CACNA1E: variants seen among roughly 807,000 people sequenced by gnomAD.
CACNA1E encodes voltage-dependent R-type calcium channel subunit alpha-1E.
In CACNA1E, 40 loss-of-function variants were observed where a neutral mutation model predicts 259.2. The observed-to-expected ratio is 0.15, with a 90% CI of 0.12 to 0.20. The LOEUF is 0.20. Ranked by LOEUF, CACNA1E falls within the 10% of genes least tolerant of loss-of-function variation. The pLI, the probability that CACNA1E is intolerant of heterozygous loss-of-function variation, is 1.00. For synonymous variants in CACNA1E, 1,104 were observed against 1,138.5 expected (o/e 0.97, Z 0.61); for missense variants, 1,874 against 3,040.1 (o/e 0.62, Z 9.02).
At chr1:181,790,095 G>A (rs1176012957) in intron 43 of CACNA1E, among the ~76,000 whole-genome samples, 1 of 152,180 alleles carries the variant, frequency 6.6e-6, no homozygotes, top group Non-Finnish European at 1.5e-5. Flanking sequence ...ACTGTTCACT[G>A]TGTAAACTAG....
intron 1 of CACNA1E, among the ~76,000 whole-genome samples, chr1:181,377,931 A>G (rs749431452): frequency 1.1e-4 from 17 of 152,222 alleles, no homozygotes; most frequent in Non-Finnish European, 2.4e-4. Flanking sequence ...AAGCCTAACA[A>G]TGTGCAGGAG....
At chr1:181,773,122 A>T (rs1234642277) in intron 37 of CACNA1E, among the ~76,000 whole-genome samples, 1 of 152,244 alleles carries the variant, frequency 6.6e-6, no homozygotes, top group African/African-American at 2.4e-5. Flanking sequence ...ATGGCCATGC[A>T]TCAAAAAGTG....
At chr1:181,526,501 G>A (rs914742205) in intron 3 of CACNA1E, among the ~76,000 whole-genome samples, 2 of 151,934 alleles carry the variant, frequency 1.3e-5, no homozygotes, top group South Asian at 4.1e-4. Context: ...ATCCATCCAA[G>A]GGAATATAAA....
In CACNA1E at chr1:181,732,752, A is replaced by G. The variant is rs1398260319; in HGVS notation, c.2666A>G (p.His889Arg). 8.3e-6 allele frequency: 13 copies of G among 1,568,076 alleles called. No individual in the cohort carries two copies. Among genetic ancestry groups the G allele is most frequent in the Non-Finnish European group, 1.1e-5 (13 of 1,157,470 alleles). Residue 889 changes from histidine (H) to arginine (R), a missense_variant, in exon 20 of 48, where the codon CAT (histidine) becomes CGT (arginine). His to Arg is a conservative substitution (Grantham distance 29). Around this residue, in one of 14 missense-constraint regions of CACNA1E, gnomAD observed 476 missense variants for 514.0 expected, o/e 0.93. Coordinates refer to ENST00000367573, the MANE Select transcript of CACNA1E (RefSeq NM_001205293.3). This position sits in a 1 kb window ranked among gnomAD's most constrained non-coding sequence, Gnocchi z 5.5. ...CCACCATGGCTGGCCAGGCCCTGTC[A>G]TGGAAACTGTGACCCGACTCAGCAG... ...REPPWLARPC[H>R]GNCDPTQQEA...
intron 3 of CACNA1E, among the ~76,000 whole-genome samples, chr1:181,519,987 A>T (rs1477684347): frequency 3.3e-5 from 5 of 152,102 alleles, no homozygotes; most frequent in African/African-American, 7.2e-5. Context: ...AAGTGAAGGT[A>T]AAACCTGCTG....
intron 1 of CACNA1E, among the ~76,000 whole-genome samples, chr1:181,363,651 TTGACATGGA>T (rs11277176): frequency 0.28 from 42,769 of 151,830 alleles, 6,230 homozygotes; most frequent in South Asian, 0.41. Flanking sequence ...GCAAGGGTGG[TTGACATGGA>T]CCCTGTCCAT....
At chr1:181,372,223 C>T (rs1257844830) in intron 1 of CACNA1E, among the ~76,000 whole-genome samples, 1 of 152,164 alleles carries the variant, frequency 6.6e-6, no homozygotes, top group African/African-American at 2.4e-5. Flanking sequence ...TCTTCCTGTA[C>T]ATGAGCATAA....
intron 6 of CACNA1E, among the ~76,000 whole-genome samples, chr1:181,649,075 A>G (rs1658532715): frequency 6.6e-6 from 1 of 152,256 alleles, no homozygotes; most frequent in Admixed American, 6.5e-5. Flanking sequence ...GGGAAGGTCC[A>G]TGTCTTAACG....
intron 8 of CACNA1E, among the ~76,000 whole-genome samples, chr1:181,711,945 G>A (rs1041024851): frequency 4.6e-5 from 7 of 152,152 alleles, no homozygotes; most frequent in Non-Finnish European, 8.8e-5. Context: ...CGTGCTGGCC[G>A]CATTGAGAAT....
intron 1 of CACNA1E, among the ~76,000 whole-genome samples, chr1:181,357,873 A>G (rs912390056): frequency 3.9e-5 from 6 of 152,148 alleles, no homozygotes; most frequent in African/African-American, 1.4e-4. Flanking sequence ...GAGGATGGCA[A>G]GGAGGTCACT....
At chr1:181,484,079 G>C in intron 1 of CACNA1E, 69 bp downstream of exon 1, 2 of 1,456,910 alleles carry the variant, frequency 1.4e-6, no homozygotes, top group Non-Finnish European at 1.9e-6. Flanking sequence ...GGGGTACCTA[G>C]CATGGAATGT....
At chr1:181,654,891 G>A (rs1025407199) in intron 7 of CACNA1E, among the ~76,000 whole-genome samples, 3 of 151,548 alleles carry the variant, frequency 2.0e-5, no homozygotes, top group African/African-American at 7.3e-5. Context: ...GGCTGAGGCA[G>A]GAGAATGGCG....
At chr1:181,603,781 C>T (rs1653964526) in intron 6 of CACNA1E, among the ~76,000 whole-genome samples, 1 of 152,166 alleles carries the variant, frequency 6.6e-6, no homozygotes, top group Non-Finnish European at 1.5e-5. Context: ...CTATAGTTCT[C>T]AGAGGGGCCA....
At chr1:181,745,474 T>C (rs1194309442) in intron 25 of CACNA1E, 2 of 350,692 alleles carry the variant, frequency 5.7e-6, no homozygotes, top group African/African-American at 4.3e-5. Context: ...AACAACCAAC[T>C]AGACCCAGAT....
intron 1 of CACNA1E, among the ~76,000 whole-genome samples, chr1:181,348,701 G>A (rs1367168410): frequency 6.6e-6 from 1 of 152,212 alleles, no homozygotes; most frequent in Non-Finnish European, 1.5e-5. Flanking sequence ...AAAAGGGTGA[G>A]TTCTCCTTTC....
intron 10 of CACNA1E, among the ~76,000 whole-genome samples, 174 bp from the exon 11 acceptor site, chr1:181,716,919 C>T (rs766173830): frequency 6.6e-6 from 1 of 152,188 alleles, no homozygotes; most frequent in Non-Finnish European, 1.5e-5. Flanking sequence ...AGAGGAAAAA[C>T]AGGGTCACTG....
intron 3 of CACNA1E, among the ~76,000 whole-genome samples, chr1:181,560,982 A>G (rs1359705568): frequency 6.6e-6 from 1 of 152,224 alleles, no homozygotes; most frequent in Admixed American, 6.5e-5. Flanking sequence ...GAAATAAGCC[A>G]GGCACAAAAG....
chr1:181,359,612 TC>T (rs1224597361), intron 1 of CACNA1E, among the ~76,000 whole-genome samples: 1 of 152,168 alleles, frequency 6.6e-6, no homozygotes. Flanking sequence ...ACTCTATGGC[TC>T]TGTGCTTCCT....
At chr1:181,791,368 G>C (rs1006494178) in intron 44 of CACNA1E, among the ~76,000 whole-genome samples, 6 of 152,176 alleles carry the variant, frequency 3.9e-5, no homozygotes, top group Admixed American at 2.0e-4. Context: ...AGCTACTCAG[G>C]AGGCTGAGGC....
Sources: gnomAD v4.1 joint callset for allele counts (sites outside exome capture counted in the v4.1 genomes callset) on GRCh38, gnomAD v4.1.1 for gene constraint, gnomAD v4.1.1 regional missense constraint, Gnocchi (gnomAD v3.1) non-coding constraint, MANE v1.5 for transcripts, NCBI Gene and HGNC (gene_info 2026-07-23, HGNC 2026-07-21) for gene names.